Variants in B4GALNT2 observed in about 807,000 individuals in gnomAD.
The protein encoded by B4GALNT2 is beta-1,4-N-acetyl-galactosaminyltransferase 2 (SID blood group).
In B4GALNT2, 42 loss-of-function variants were observed where a neutral mutation model predicts 51.1. The ratio of observed to expected loss-of-function variants is 0.82; its 90% CI spans 0.64 to 1.06. B4GALNT2 has a LOEUF of 1.06. Among genes scored for constraint, B4GALNT2 ranks in the 50% least tolerant of loss-of-function variants. B4GALNT2 has a pLI of 0.00. For missense variants in B4GALNT2, 602 were observed against 633.6 expected (o/e 0.95, Z 0.54); for synonymous variants, 253 against 251.7 (o/e 1.01, Z -0.05).
In B4GALNT2 at chr17:49,168,851, A is replaced by C; in HGVS notation, c.1266A>C (p.Arg422=). ...VVNFFLAHTE[R]LQRVGFDPRL... ...ACTTCTTCCTGGCCCACACGGAGCGACTCCAAAGAGTTGGCTTTGATCCCC... is the reference window on the plus strand; with the variant it reads ...ACTTCTTCCTGGCCCACACGGAGCGCCTCCAAAGAGTTGGCTTTGATCCCC... The change falls in exon 10 of 11, where the codon CGA becomes CGC. Residue 422 remains arginine, a synonymous_variant. Coordinates refer to ENST00000393354, the MANE Select transcript of B4GALNT2 (RefSeq NM_001159387.2). The C allele has an allele frequency of 6.2e-7, 1 of 1,613,176 alleles. No individual in the cohort carries two copies. Among genetic ancestry groups the C allele is most frequent in the South Asian group, 1.1e-5 (1 of 90,994 alleles).
chr17:49,151,658 A>G (rs908372642), intron 3 of B4GALNT2, among the ~76,000 whole-genome samples: 8 of 151,918 alleles, frequency 5.3e-5, no homozygotes, highest in African/African-American at 1.9e-4. Flanking sequence ...AGGCAGGAGA[A>G]TCACTTGAAC....
At chr17:49,145,743 T>C (rs2042689054) in intron 3 of B4GALNT2, among the ~76,000 whole-genome samples, 1 of 152,206 alleles carries the variant, frequency 6.6e-6, no homozygotes. Flanking sequence ...ATGGATCTCC[T>C]GTATTCCATG....
intron 1 of B4GALNT2, 115 bp from the exon 2 acceptor site, chr17:49,141,132 G>T: frequency 1.1e-6 from 1 of 923,914 alleles, no homozygotes. Flanking sequence ...CGATTTTAGT[G>T]ACCAATATAA....
Position 49,164,398 on chromosome 17 carries a change from G to A in B4GALNT2, c.954+123G>A, listed in dbSNP as rs369526638. On this transcript the variant is annotated intron_variant, in intron 8 of 10. Coordinates refer to ENST00000393354, the MANE Select transcript of B4GALNT2 (RefSeq NM_001159387.2). Reference sequence around the variant, plus strand: ...CCCAAGAAAGCAGAGTCCAGGAGTGGGAGTGGGTGAGGGCTGTCCTCTGAG... The same window carrying A: ...CCCAAGAAAGCAGAGTCCAGGAGTGAGAGTGGGTGAGGGCTGTCCTCTGAG... 297 of 862,532 alleles carry A rather than the reference G, an allele frequency of 3.4e-4. No individual in the cohort carries two copies. In the East Asian group the frequency reaches 5.2e-3, roughly 15 times the overall value. The allele number at this position is 862,532 out of a possible 1,614,324, so 53.4% of individuals were successfully genotyped here. A position where few individuals can be genotyped will look rare whatever the true frequency, so the allele number is the denominator to read the frequency against.
At chr17:49,162,855 G>A (rs907081418) in intron 7 of B4GALNT2, among the ~76,000 whole-genome samples, 2 of 138,940 alleles carry the variant, frequency 1.4e-5, no homozygotes, top group Non-Finnish European at 3.0e-5. Flanking sequence ...GGAGGTTGCA[G>A]TGAGCCGAGA....
rs2042989298 is a variant in B4GALNT2 at position 49,176,511 on chromosome 17, GT to G, written c.*6784del. The G allele has an allele frequency of 6.6e-6, 1 of 152,204 alleles. No individual in the cohort carries two copies. 9.4% of individuals were successfully genotyped at this position (152,204 alleles called of 1,614,324 possible). ...GCACAGCTCGCTCATGCTATTGTTT[GT>G]GGCTTAGGAACACCTTAAGAGGTTT... On this transcript the variant is annotated 3_prime_UTR_variant, in exon 11 of 11. Coordinates refer to ENST00000393354, the MANE Select transcript of B4GALNT2 (RefSeq NM_001159387.2).
chr17:49,120,910 C>A, the B4GALNT2 span, among the ~76,000 whole-genome samples: 13 of 151,828 alleles, frequency 8.6e-5, no homozygotes, highest in Non-Finnish European at 1.9e-4. Context: ...ACCTTCCCCA[C>A]GATTGAGGAC....
chr17:49,167,901 C>A (rs906645334), intron 9 of B4GALNT2, among the ~76,000 whole-genome samples: 1 of 152,160 alleles, frequency 6.6e-6, no homozygotes, highest in Non-Finnish European at 1.5e-5. Flanking sequence ...TGAGCCACCA[C>A]GCCCAGCCTA....
At chr17:49,130,787 T>C (rs372959004), upstream of B4GALNT2, among the ~76,000 whole-genome samples, 1 of 152,318 alleles carries the variant, frequency 6.6e-6, no homozygotes, top group Middle Eastern at 3.4e-3. Context: ...GCCCAAGATA[T>C]ATGCTCTGGG....
intron 4 of B4GALNT2, among the ~76,000 whole-genome samples, chr17:49,154,387 A>G (rs964623966): frequency 6.6e-6 from 1 of 152,084 alleles, no homozygotes; most frequent in Non-Finnish European, 1.5e-5. Flanking sequence ...TCAGCATCAC[A>G]TTCCTCATCA....
chr17:49,160,825 A>T (rs2042857586), intron 7 of B4GALNT2, among the ~76,000 whole-genome samples, 184 bp downstream of exon 7: 1 of 152,218 alleles, frequency 6.6e-6, no homozygotes, highest in Admixed American at 6.5e-5. Context: ...GCTTAATTAT[A>T]TTTAACTTAT....
upstream of B4GALNT2, among the ~76,000 whole-genome samples, chr17:49,129,119 G>T (rs1217563277): frequency 6.6e-6 from 1 of 152,184 alleles, no homozygotes; most frequent in African/African-American, 2.4e-5. Context: ...GGATGTTCCA[G>T]CTGGAATTGG....
At chr17:49,128,061 A>G (rs1447111625), upstream of B4GALNT2, among the ~76,000 whole-genome samples, 1 of 152,068 alleles carries the variant, frequency 6.6e-6, no homozygotes, top group African/African-American at 2.4e-5. Context: ...TTTTTTTATC[A>G]GGGGTGAGGG....
chr17:49,169,663 C>T lies in B4GALNT2; in HGVS notation c.1456C>T (p.Leu486Phe), dbSNP rs1478982055. The change falls in exon 11 of 11, where the codon CTC (leucine) becomes TTC (phenylalanine). Residue 486 changes from leucine (L) to phenylalanine (F), a missense_variant. By Grantham distance (22) the Leu-to-Phe change is conservative. Coordinates refer to ENST00000393354, the MANE Select transcript of B4GALNT2 (RefSeq NM_001159387.2). ...KTYNTYRSNT[L>F]TRVQFKLALH... ...CTACAATACATACCGGTCCAACACC[C>T]TCACCCGGGTCCAGTTCAAGCTGGC... 2.5e-6 allele frequency: 4 copies of T among 1,609,986 alleles called. No individual in the cohort carries two copies. The Admixed American group carries it at 6.7e-5, about 27-fold the overall frequency.
At chr17:49,164,021 C>T in intron 7 of B4GALNT2, 67 bp from the exon 8 acceptor site, 2 of 1,472,470 alleles carry the variant, frequency 1.4e-6, no homozygotes, top group South Asian at 2.5e-5. Flanking sequence ...GCCATCAGAT[C>T]AAAGCAGGAA....
intron 1 of B4GALNT2, among the ~76,000 whole-genome samples, chr17:49,136,243 T>G (rs1015778317): frequency 1.3e-5 from 2 of 151,982 alleles, no homozygotes; most frequent in African/African-American, 4.8e-5. Flanking sequence ...TATATTTCCC[T>G]AATACAGTGG....
upstream of B4GALNT2, among the ~76,000 whole-genome samples, chr17:49,129,690 C>T (rs538843349): frequency 7.0e-6 from 1 of 142,816 alleles, no homozygotes; most frequent in South Asian, 2.3e-4. Flanking sequence ...CAGCTTATCA[C>T]AAGCTTGGAA....
chr17:49,134,005 C>T (rs770796933), intron 1 of B4GALNT2, among the ~76,000 whole-genome samples: 25 of 152,186 alleles, frequency 1.6e-4, no homozygotes, highest in Non-Finnish European at 2.9e-4. Flanking sequence ...GAAAGGAAGG[C>T]GGCTTTGCAT....
At chr17:49,140,062 ATTTAT>A (rs1394754643) in intron 1 of B4GALNT2, among the ~76,000 whole-genome samples, 2 of 148,508 alleles carry the variant, frequency 1.3e-5, no homozygotes, top group Non-Finnish European at 3.0e-5. Flanking sequence ...ATATAATATA[ATTTAT>A]AATAACCACG....
Sources: gnomAD v4.1 joint callset for allele counts (sites outside exome capture counted in the v4.1 genomes callset) on GRCh38, gnomAD v4.1.1 for gene constraint, MANE v1.5 for transcripts, NCBI Gene and HGNC (gene_info 2026-07-23, HGNC 2026-07-21) for gene names.